KCNQ1: variants seen among roughly 807,000 people sequenced by gnomAD.
KCNQ1 encodes the protein potassium voltage-gated channel subfamily KQT member 1.
KCNQ1 carries 49 observed loss-of-function variants against 72.4 expected under a neutral mutation model. The observed-to-expected ratio is 0.68, with a 90% CI of 0.54 to 0.86. The LOEUF (loss-of-function observed/expected upper bound fraction) is 0.86. Among genes scored for constraint, KCNQ1 ranks in the 40% least tolerant of loss-of-function variants. KCNQ1 has a pLI of 0.00. For synonymous variants in KCNQ1, 450 were observed against 412.6 expected (o/e 1.09, Z -1.10); for missense variants, 790 against 945.1 (o/e 0.84, Z 2.15).
chr11:2,760,335 G>A (rs2133972697), intron 11 of KCNQ1, among the ~76,000 whole-genome samples: 1 of 152,318 alleles, frequency 6.6e-6, no homozygotes, highest in East Asian at 1.9e-4. Flanking sequence ...ATTAACAAAT[G>A]AACCAGCGGA....
Position 2,617,776 on chromosome 11 carries a change from G to T in KCNQ1, c.1393+28922G>T. The T allele has an allele frequency of 1.0e-5, 4 of 398,522 alleles. No individual in the cohort carries two copies. The highest frequency in any genetic ancestry group is 1.8e-5 in the Non-Finnish European group (4 of 226,030). 24.7% of individuals were successfully genotyped at this position (398,522 alleles called of 1,614,324 possible). A position where few individuals can be genotyped will look rare whatever the true frequency, so the allele number is the denominator to read the frequency against. ...TAGTAATTTTGATTTGCATTTCCCT[G>T]ACGATTAGTGATGTTAAATGTCTTT... On this transcript the variant is annotated intron_variant, in intron 10 of 15. Transcript: ENST00000155840. The surrounding 1 kb of genome is among the most constrained non-coding windows in gnomAD (Gnocchi z 4.6).
Position 2,599,291 on chromosome 11 carries a change from C to G in KCNQ1, c.1393+10437C>G, listed in dbSNP as rs1049323954. ...CCTGCTTTCTGCATCTTGTTTTTCT[C>G]AATCAGTAAAATAGTAAAAATGCCT... On this transcript the variant is annotated intron_variant, in intron 10 of 15. Transcript: ENST00000155840. This position sits in a 1 kb window ranked among gnomAD's most constrained non-coding sequence, Gnocchi z 4.7. Among the ~76,000 whole-genome samples the G allele has an allele frequency of 2.6e-5, 4 of 152,188 alleles. No homozygotes were observed. Among genetic ancestry groups the G allele is most frequent in the Non-Finnish European group, 5.9e-5 (4 of 68,032 alleles).
In KCNQ1 at chr11:2,735,930, T is replaced by C. The variant is rs960057784; in HGVS notation, c.1515-32914T>C. ...CCCATCTCCAGACACACAGTCACAG[T>C]CAGAGGCAGGAGGAGGTGGGTGAGA... On this transcript the variant is annotated intron_variant, in intron 11 of 15. Coordinates refer to ENST00000155840, the MANE Select transcript of KCNQ1 (RefSeq NM_000218.3). The surrounding 1 kb of genome is among the most constrained non-coding windows in gnomAD (Gnocchi z 7.7). Among the ~76,000 whole-genome samples, 4 of 152,122 alleles carry C rather than the reference T, an allele frequency of 2.6e-5. No homozygotes were observed. Among genetic ancestry groups the C allele is most frequent in the Non-Finnish European group, 5.9e-5 (4 of 68,028 alleles).
rs776863169 is a variant in KCNQ1 at position 2,640,800 on chromosome 11, T to C, written c.1394-21161T>C. On this transcript the variant is annotated intron_variant, in intron 10 of 15. Coordinates refer to ENST00000155840, the MANE Select transcript of KCNQ1 (RefSeq NM_000218.3). ...TTTATTCTAACTAGCTGTGTATTTTTACCCACTAACCAACCTCTCTTCACC... is the reference window on the plus strand; with the variant it reads ...TTTATTCTAACTAGCTGTGTATTTTCACCCACTAACCAACCTCTCTTCACC... The C allele has an allele frequency of 1.9e-4, 75 of 398,560 alleles. No individual in the cohort carries two copies. Among genetic ancestry groups the C allele is most frequent in the Non-Finnish European group, 3.0e-4 (68 of 226,050 alleles). The allele number at this position is 398,560 out of a possible 1,614,324, so 24.7% of individuals were successfully genotyped here.
rs1440786069 is a variant in KCNQ1, at chr11:2,617,310, A to G, written c.1393+28456A>G. ...CTTTTTTCTTTTTAAGATTCTACATATAGGTGAGATTATTTAAAACTTTTC... is the reference window on the plus strand; with the variant it reads ...CTTTTTTCTTTTTAAGATTCTACATGTAGGTGAGATTATTTAAAACTTTTC... On this transcript the variant is annotated intron_variant, in intron 10 of 15. Transcript: ENST00000155840. The surrounding 1 kb of genome is among the most constrained non-coding windows in gnomAD (Gnocchi z 4.6). 2.5e-6 allele frequency: 1 copy of G among 398,358 alleles called. No homozygotes were observed. Among genetic ancestry groups the G allele is most frequent in the Non-Finnish European group, 4.4e-6 (1 of 225,908 alleles). 24.7% of individuals were successfully genotyped at this position (398,358 alleles called of 1,614,324 possible). A position where few individuals can be genotyped will look rare whatever the true frequency, so the allele number is the denominator to read the frequency against.
intron 15 of KCNQ1, among the ~76,000 whole-genome samples, chr11:2,794,214 G>A (rs1388174164): frequency 6.6e-6 from 1 of 152,242 alleles, no homozygotes; most frequent in Non-Finnish European, 1.5e-5. Flanking sequence ...TTGGACTAGG[G>A]TGGAGGCCTT....
intron 11 of KCNQ1, among the ~76,000 whole-genome samples, chr11:2,761,262 G>A (rs1165043097): frequency 6.6e-6 from 1 of 151,926 alleles, no homozygotes; most frequent in Admixed American, 6.6e-5. Context: ...ATGGTCTGCC[G>A]GCCTGTCGGT....
At chr11:2,699,549 C>G (rs1421308068) in intron 11 of KCNQ1, 1 of 330,048 alleles carries the variant, frequency 3.0e-6, no homozygotes, top group East Asian at 5.1e-5. Context: ...CAGGGAGGAC[C>G]GCGCGGAGGA....
Position 2,492,913 on chromosome 11 carries a change from C to G in KCNQ1, c.387-35015C>G, listed in dbSNP as rs1846858397. Among the ~76,000 whole-genome samples the G allele has an allele frequency of 6.6e-6, 1 of 152,160 alleles. No homozygotes were observed. Among genetic ancestry groups the G allele is most frequent in the African/African-American group, 2.4e-5 (1 of 41,430 alleles). ...CAAATGGTATTTCTAGTTCTAGAAT[C>G]TAGTTCTAGAATCACCACGCTGTCT... On this transcript the variant is annotated intron_variant, in intron 1 of 15. Transcript: ENST00000155840. This position sits in a 1 kb window ranked among gnomAD's most constrained non-coding sequence, Gnocchi z 4.1.
chr11:2,596,216 C>T (rs998232279), intron 10 of KCNQ1, among the ~76,000 whole-genome samples: 1 of 152,214 alleles, frequency 6.6e-6, no homozygotes, highest in Non-Finnish European at 1.5e-5. Flanking sequence ...GTGGAACTCT[C>T]ATATGCTCCC....
chr11:2,459,972 C>G (rs1846250346), intron 1 of KCNQ1, among the ~76,000 whole-genome samples: 2 of 152,180 alleles, frequency 1.3e-5, no homozygotes, highest in Admixed American at 6.5e-5. Flanking sequence ...TTAATAGTAG[C>G]TGACGTGAAC....
rs548226080 is a variant in KCNQ1 at position 2,559,822 on chromosome 11, C to T, written c.478-10806C>T. On this transcript the variant is annotated intron_variant, in intron 2 of 15. Coordinates refer to ENST00000155840, the MANE Select transcript of KCNQ1 (RefSeq NM_000218.3). The surrounding 1 kb of genome is among the most constrained non-coding windows in gnomAD (Gnocchi z 4.9). ...AGGCCTGTGGCTAGGGCTCTGCTGCCTGCTTCCTGGGCAGGGGCTCCTTCC... is the reference window on the plus strand; with the variant it reads ...AGGCCTGTGGCTAGGGCTCTGCTGCTTGCTTCCTGGGCAGGGGCTCCTTCC... Among the ~76,000 whole-genome samples, 8 of 151,968 alleles carry T rather than the reference C, an allele frequency of 5.3e-5. No individual in the cohort carries two copies. The highest frequency in any genetic ancestry group is 1.9e-4 in the African/African-American group (8 of 41,386).
At chr11:2,533,949 C>T (rs940735242) in intron 2 of KCNQ1, among the ~76,000 whole-genome samples, 10 of 152,230 alleles carry the variant, frequency 6.6e-5, no homozygotes, top group Admixed American at 3.3e-4. Flanking sequence ...GCTGCGGCCC[C>T]GGAGGCCTAG....
intron 11 of KCNQ1, among the ~76,000 whole-genome samples, chr11:2,743,391 A>T (rs972669704): frequency 1.3e-5 from 2 of 152,294 alleles, no homozygotes; most frequent in East Asian, 3.9e-4. Flanking sequence ...GAGCAGGCCC[A>T]CCACCCAACT....
chr11:2,530,383 G>A (rs1015276396), intron 2 of KCNQ1, among the ~76,000 whole-genome samples: 3 of 152,264 alleles, frequency 2.0e-5, no homozygotes, highest in Non-Finnish European at 4.4e-5. Flanking sequence ...CATGGGGCGG[G>A]TCTGTGGGGG....
chr11:2,747,229 G>A (rs528104139), intron 11 of KCNQ1, among the ~76,000 whole-genome samples: 2 of 152,252 alleles, frequency 1.3e-5, no homozygotes, highest in South Asian at 2.1e-4. Context: ...AGAAATTACC[G>A]GATGGTGACA....
At chr11:2,795,788 G>A (rs1314919827) in intron 15 of KCNQ1, among the ~76,000 whole-genome samples, 2 of 152,212 alleles carry the variant, frequency 1.3e-5, no homozygotes, top group Non-Finnish European at 2.9e-5. Flanking sequence ...CCGGGTCCAT[G>A]AGGAACCCCA....
intron 4 of KCNQ1, 51 bp downstream of exon 4, chr11:2,571,454 C>T (rs1483806395): frequency 4.7e-6 from 7 of 1,493,642 alleles, no homozygotes; most frequent in Admixed American, 1.7e-5. Flanking sequence ...CCCCGAGCAC[C>T]CCTCCTGAGC....
chr11:2,792,585 G>A (rs1459632473), intron 15 of KCNQ1, among the ~76,000 whole-genome samples: 1 of 152,136 alleles, frequency 6.6e-6, no homozygotes, highest in Non-Finnish European at 1.5e-5. Flanking sequence ...GTGAGGGAGC[G>A]CATCCTATGG....
Sources: gnomAD v4.1 joint callset for allele counts (sites outside exome capture counted in the v4.1 genomes callset) on GRCh38, gnomAD v4.1.1 for gene constraint, Gnocchi (gnomAD v3.1) non-coding constraint, MANE v1.5 for transcripts, NCBI Gene and HGNC (gene_info 2026-07-23, HGNC 2026-07-21) for gene names.